Variants in DNAI4 observed in about 807,000 individuals in gnomAD.
The protein encoded by DNAI4 is WD repeat domain 78.
DNAI4 carries 85 observed loss-of-function variants against 105.8 expected under a neutral mutation model. The observed-to-expected ratio is 0.80, with a 90% CI of 0.67 to 0.96. The LOEUF (loss-of-function observed/expected upper bound fraction) is 0.96, where lower values mean the gene tolerates loss of function less well. Ranked by LOEUF, DNAI4 falls within the 40% of genes least tolerant of loss-of-function variation. The pLI is 0.00. For synonymous variants in DNAI4, 352 were observed against 331.5 expected (o/e 1.06, Z -0.67); for missense variants, 1,014 against 1,005.6 (o/e 1.01, Z -0.11).
chr1:66,890,889 AAGC>A lies in DNAI4; in HGVS notation c.643+262_643+264del. 1.0e-5 allele frequency: 5 copies of A among 493,230 alleles called. No homozygotes were observed. The highest frequency in any genetic ancestry group is 3.4e-5 in the Admixed American group (1 of 28,990). The allele number at this position is 493,230 out of a possible 1,614,324, so 30.6% of individuals were successfully genotyped here. On this transcript the variant is annotated intron_variant, in intron 4 of 16. Coordinates refer to ENST00000371026, the MANE Select transcript of DNAI4 (RefSeq NM_024763.5). The surrounding 1 kb of genome is among the most constrained non-coding windows in gnomAD (Gnocchi z 4.1). ...GAGGAAGAAGAAGAAGAAGAAGCAG[AAGC>A]AGCAGCAGCAACAGCAGCAGCAGAA...
chr1:66,815,354 C>T (rs1430231247), intron 16 of DNAI4, among the ~76,000 whole-genome samples: 6 of 152,074 alleles, frequency 3.9e-5, no homozygotes, highest in African/African-American at 1.4e-4. Context: ...TCCTGAGACC[C>T]CGTCACATAG....
At chr1:66,886,196 G>A (rs1176084129) in intron 4 of DNAI4, among the ~76,000 whole-genome samples, 7 of 151,992 alleles carry the variant, frequency 4.6e-5, no homozygotes, top group African/African-American at 1.5e-4. Flanking sequence ...TGAGTCTTTC[G>A]TATAATTTTC....
chr1:66,883,154 C>A (rs540017831), intron 4 of DNAI4, among the ~76,000 whole-genome samples: 2 of 144,848 alleles, frequency 1.4e-5, no homozygotes, highest in African/African-American at 2.6e-5. Flanking sequence ...GGATACATGC[C>A]TATTGGTGCC....
chr1:66,863,183 C>T (rs1184336616), intron 6 of DNAI4, among the ~76,000 whole-genome samples: 2 of 152,188 alleles, frequency 1.3e-5, no homozygotes, highest in African/African-American at 4.8e-5. Context: ...CTCCAAGTCT[C>T]TTCCACTGCT....
intron 7 of DNAI4, among the ~76,000 whole-genome samples, chr1:66,855,089 CCTT>C (rs1422324087): frequency 7.2e-5 from 11 of 152,210 alleles, no homozygotes; most frequent in African/African-American, 2.7e-4. Flanking sequence ...CCAACTGCCT[CCTT>C]AACAAAGCTT....
At chr1:66,875,178 A>C (rs372928892) in intron 4 of DNAI4, among the ~76,000 whole-genome samples, 1 of 152,160 alleles carries the variant, frequency 6.6e-6, no homozygotes, top group African/African-American at 2.4e-5. Flanking sequence ...ACCAATAGTC[A>C]TAACTCTAAG....
chr1:66,900,033 C>T (rs1648674745), intron 2 of DNAI4, among the ~76,000 whole-genome samples: 1 of 152,154 alleles, frequency 6.6e-6, no homozygotes, highest in African/African-American at 2.4e-5. Context: ...TTTGGCTCTT[C>T]TGGGTCCTCT....
At chr1:66,901,578 G>GTA (rs34612767) in intron 2 of DNAI4, among the ~76,000 whole-genome samples, 13,298 of 152,034 alleles carry the variant, frequency 0.087, 769 homozygotes, top group African/African-American at 0.17. Flanking sequence ...ATTTCATTGT[G>GTA]TATATATACC....
chr1:66,822,891 GTT>G (rs58873638), intron 15 of DNAI4, among the ~76,000 whole-genome samples: 1 of 151,200 alleles, frequency 6.6e-6, no homozygotes, highest in Non-Finnish European at 1.5e-5. Context: ...ACTAGAATTT[GTT>G]TTTTTTGTTA....
chr1:66,879,931 T>C (rs1055034633), intron 4 of DNAI4, among the ~76,000 whole-genome samples: 31 of 150,502 alleles, frequency 2.1e-4, no homozygotes, highest in Admixed American at 1.7e-3. Flanking sequence ...ACTCCCACAG[T>C]TCCCACATGT....
At chr1:66,894,570 C>G (rs550015676) in intron 2 of DNAI4, among the ~76,000 whole-genome samples, 1 of 152,076 alleles carries the variant, frequency 6.6e-6, no homozygotes, top group East Asian at 1.9e-4. Context: ...ACATTCCCAG[C>G]CCTGAAGTCC....
intron 1 of DNAI4, among the ~76,000 whole-genome samples, chr1:66,919,793 T>C (rs1650328205): frequency 6.6e-6 from 1 of 152,216 alleles, no homozygotes. Flanking sequence ...AATACCCAAC[T>C]CTGGCCCCCA....
chr1:66,890,723 GA>G lies in DNAI4; in HGVS notation c.643+430del. 1 of 225,460 alleles carries G rather than the reference GA, an allele frequency of 4.4e-6. No individual in the cohort carries two copies. The highest frequency in any genetic ancestry group is 8.7e-6 in the Non-Finnish European group (1 of 115,536). The allele number at this position is 225,460 out of a possible 1,614,324, so 14.0% of individuals were successfully genotyped here. A position where few individuals can be genotyped will look rare whatever the true frequency, so the allele number is the denominator to read the frequency against. On this transcript the variant is annotated intron_variant, in intron 4 of 16. Transcript: ENST00000371026. The surrounding 1 kb of genome is among the most constrained non-coding windows in gnomAD (Gnocchi z 4.1). ...AGAAGGAGAGGAGGGGGAGGAGGAGGAGGGAGAGGAAGAGGGGGAGAAGGAA... is the reference window on the plus strand; with the variant it reads ...AGAAGGAGAGGAGGGGGAGGAGGAGGGGGAGAGGAAGAGGGGGAGAAGGAA...
At chr1:66,856,191 G>A (rs1257885167) in intron 7 of DNAI4, among the ~76,000 whole-genome samples, 2 of 151,492 alleles carry the variant, frequency 1.3e-5, no homozygotes, top group Non-Finnish European at 2.9e-5. Flanking sequence ...ACTTATAGGC[G>A]GGGCACAGTG....
intron 13 of DNAI4, among the ~76,000 whole-genome samples, chr1:66,829,533 T>C (rs1645825050): frequency 6.6e-6 from 1 of 152,158 alleles, no homozygotes; most frequent in Non-Finnish European, 1.5e-5. Context: ...ATGCTAAATA[T>C]ATGTATGTAC....
chr1:66,884,026 C>T (rs1357043642), intron 4 of DNAI4, among the ~76,000 whole-genome samples: 1 of 152,176 alleles, frequency 6.6e-6, no homozygotes, highest in Non-Finnish European at 1.5e-5. Flanking sequence ...CTACATTCCA[C>T]CTCTATGAGA....
chr1:66,845,217 T>TAAAAAAAAAAAAAAAAAAGAAAAAAA (rs869249698), intron 8 of DNAI4, among the ~76,000 whole-genome samples: 1 of 38,108 alleles, frequency 2.6e-5, no homozygotes, highest in Non-Finnish European at 5.2e-5. Context: ...AAAGAAAAAT[T>TAAAAAAAAAAAAAAAAAAGAAAAAAA]AAAAAAAAAA....
chr1:66,833,708 T>C lies in DNAI4; in HGVS notation c.1892-2A>G, dbSNP rs781620135. On this transcript the variant is annotated splice_acceptor_variant, in intron 12 of 16. Coordinates refer to ENST00000371026, the MANE Select transcript of DNAI4 (RefSeq NM_024763.5). LOFTEE classifies it high-confidence loss of function. ...TAGTTCTCTTTAATCGCATCAAATC[T>C]GTATTTAAAGAAAAACATATATAAC... The C allele has an allele frequency of 4.3e-6, 7 of 1,610,520 alleles. No homozygotes were observed. Among genetic ancestry groups the C allele is most frequent in the Non-Finnish European group, 5.9e-6 (7 of 1,178,834 alleles).
intron 2 of DNAI4, among the ~76,000 whole-genome samples, chr1:66,901,033 T>C (rs182645987): frequency 8.3e-4 from 127 of 152,314 alleles, no homozygotes; most frequent in African/African-American, 3.0e-3. Context: ...CTTTGTCAAG[T>C]TGAGGAAATT....
Sources: allele counts gnomAD v4.1 joint callset (sites outside exome capture counted in the v4.1 genomes callset), GRCh38; gene constraint gnomAD v4.1.1; non-coding constraint Gnocchi (gnomAD v3.1); transcripts MANE v1.5; gene names NCBI Gene and HGNC (gene_info 2026-07-23, HGNC 2026-07-21).